Variants in HBG2 observed in about 807,000 individuals in gnomAD.
HBG2 encodes the protein hemoglobin subunit gamma-2.
For missense variants in HBG2, 59 were observed against 155.7 expected, an observed-to-expected ratio of 0.38 and a Z score of 3.31; for synonymous variants, 25 against 63.2, an observed-to-expected ratio of 0.40 and a Z score of 2.87.
At chr11:5,253,948 T>C (rs11036474) in intron 2 of HBG2, among the ~76,000 whole-genome samples, 45,812 of 149,142 alleles carry the variant, frequency 0.31, 6,469 homozygotes, top group African/African-American at 0.37. Flanking sequence ...ATCTTTTTAA[T>C]GACCATACTT....
At position 5,253,889 on chromosome 11, in the gene HBG2, C is replaced by T. The variant is rs562784918; in HGVS notation, c.315+403G>A. Among the ~76,000 whole-genome samples the T allele has an allele frequency of 7.9e-5, 12 of 152,172 alleles. No homozygotes were observed. In the East Asian group the frequency reaches 2.3e-3, roughly 29 times the overall value. On this transcript the variant is annotated intron_variant, in intron 2 of 2. Coordinates refer to ENST00000336906, the MANE Select transcript of HBG2 (RefSeq NM_000184.3). ...AATAGCCTTAGCAATGTATGTTTGG[C>T]CACCAAAGTTCCCCACTTTGACTGA...
rs281864470 is a variant in HBG2, at chr11:5,254,369, C to G, written c.238G>C (p.Asp80His). The change falls in exon 2 of 3, where the codon GAT becomes CAT. Residue 80 changes from aspartate (D) to histidine (H), a missense_variant. Coordinates refer to ENST00000336906, the MANE Select transcript of HBG2 (RefSeq NM_000184.3). ...TSLGDAIKHL[D>H]DLKGTFAQLS... ...TGGGCAAAGGTGCCCTTGAGATCAT[C>G]CAGGTGCTTTATGGCATCTCCCAAG... 1 of 1,614,314 alleles carries G rather than the reference C, an allele frequency of 6.2e-7. No homozygotes were observed. Among genetic ancestry groups the G allele is most frequent in the South Asian group, 1.1e-5 (1 of 91,090 alleles).
chr11:5,253,430 A>G, intron 2 of HBG2, 25 bp from the exon 3 acceptor site: 1 of 1,604,498 alleles, frequency 6.2e-7, no homozygotes, highest in Non-Finnish European at 8.5e-7. Context: ...GGAGACAATA[A>G]AGATGAACCC....
At position 5,253,310 on chromosome 11, in the gene HBG2, T is replaced by C; in HGVS notation, c.411A>G (p.Gly137=). The stretch of plus-strand genomic sequence containing the variant: ...ATCTGGAGGACAGGGCACTGGCCAC[T>C]CCAGTCACCATCTTCTGCCAGGAAG... The part of the protein sequence containing the change: ...VQASWQKMVT[G]VASALSSRYH The change falls in exon 3 of 3, where the codon GGA becomes GGG. Residue 137 remains glycine (G), a synonymous_variant. Coordinates refer to ENST00000336906, the MANE Select transcript of HBG2 (RefSeq NM_000184.3). 1 of 1,614,062 alleles carries C rather than the reference T, an allele frequency of 6.2e-7. No homozygotes were observed. Among genetic ancestry groups the C allele is most frequent in the South Asian group, 1.1e-5 (1 of 91,074 alleles).
At chr11:5,253,698 G>GCACACACACACACACA (rs1554922324) in intron 2 of HBG2, among the ~76,000 whole-genome samples, 39,902 of 133,220 alleles carry the variant, frequency 0.3, 6,062 homozygotes, top group East Asian at 0.55. Flanking sequence ...ACACACGCGC[G>GCACACACACACACACA]CACACACACA....
chr11:5,253,581 C>G (rs1564886047), intron 2 of HBG2, among the ~76,000 whole-genome samples, 176 bp from the exon 3 acceptor site: 2 of 152,074 alleles, frequency 1.3e-5, no homozygotes, highest in South Asian at 2.1e-4. Context: ...TCTTGCAGCA[C>G]TAGTCACTGG....
chr11:5,253,822 T>C (rs1321867120), intron 2 of HBG2, among the ~76,000 whole-genome samples: 2 of 152,016 alleles, frequency 1.3e-5, no homozygotes, highest in Non-Finnish European at 1.5e-5. Context: ...AAGTTTGTAA[T>C]GAAGCATTAG....
intron 2 of HBG2, 33 bp from the exon 3 acceptor site, chr11:5,253,438 C>G (rs529183035): frequency 9.1e-5 from 145 of 1,596,928 alleles, no homozygotes; most frequent in Non-Finnish European, 8.2e-5. Flanking sequence ...TAAAGATGAA[C>G]CCATAGTGAG....
chr11:5,254,026 C>T (rs1258278629), intron 2 of HBG2, among the ~76,000 whole-genome samples: 1 of 151,750 alleles, frequency 6.6e-6, no homozygotes, highest in East Asian at 1.9e-4. Flanking sequence ...GTTCTTTCTA[C>T]CGAAATCTAA....
At chr11:5,254,077 C>G (rs1847987786) in intron 2 of HBG2, among the ~76,000 whole-genome samples, 1 of 151,868 alleles carries the variant, frequency 6.6e-6, no homozygotes, top group African/African-American at 2.4e-5. Context: ...TCTCTTTTCT[C>G]AAAGTCAAAG....
intron 2 of HBG2, 88 bp from the exon 3 acceptor site, chr11:5,253,493 C>A: frequency 8.0e-7 from 1 of 1,254,952 alleles, no homozygotes; most frequent in South Asian, 1.2e-5. Flanking sequence ...CACCAAGCTT[C>A]CACCCAGAAT....
chr11:5,253,754 G>A (rs1159947938), intron 2 of HBG2, among the ~76,000 whole-genome samples: 1 of 147,728 alleles, frequency 6.8e-6, no homozygotes, highest in Non-Finnish European at 1.5e-5. Flanking sequence ...CAGCCCAAAT[G>A]TTTCAATTGT....
chr11:5,254,003 G>A (rs139250473), intron 2 of HBG2, among the ~76,000 whole-genome samples: 4 of 151,804 alleles, frequency 2.6e-5, no homozygotes, highest in African/African-American at 9.7e-5. Context: ...ACAAAAATAG[G>A]GGAAAGGTGA....
In HBG2 at chr11:5,254,346, G is replaced by A; in HGVS notation, c.261C>T (p.Ala87=). 1.2e-6 allele frequency: 2 copies of A among 1,614,304 alleles called. No homozygotes were observed. The highest frequency in any genetic ancestry group is 2.2e-5 in the South Asian group (2 of 91,086). The part of the protein sequence containing the change: ...KHLDDLKGTF[A]QLSELHCDKL... Reference sequence around the variant, plus strand: ...TGTCACAGTGCAGTTCACTCAGCTGGGCAAAGGTGCCCTTGAGATCATCCA... The same window carrying A: ...TGTCACAGTGCAGTTCACTCAGCTGAGCAAAGGTGCCCTTGAGATCATCCA... The change falls in exon 2 of 3, where the codon GCC becomes GCT. Residue 87 remains alanine (A), a synonymous_variant. Coordinates refer to ENST00000336906, the MANE Select transcript of HBG2 (RefSeq NM_000184.3).
At chr11:5,254,271 T>A in intron 2 of HBG2, 21 bp downstream of exon 2, 1 of 1,614,214 alleles carries the variant, frequency 6.2e-7, no homozygotes, top group Non-Finnish European at 8.5e-7. Context: ...GCAACAGTGC[T>A]GAAACATCTC....
At chr11:5,253,698 G>GTGCACACACACACA (rs1554922325) in intron 2 of HBG2, among the ~76,000 whole-genome samples, 2 of 134,460 alleles carry the variant, frequency 1.5e-5, no homozygotes, top group South Asian at 2.5e-4. Context: ...ACACACGCGC[G>GTGCACACACACACA]CACACACACA....
intron 2 of HBG2, among the ~76,000 whole-genome samples, 188 bp downstream of exon 2, chr11:5,254,104 T>C (rs1376852023): frequency 1.3e-5 from 2 of 151,894 alleles, no homozygotes; most frequent in African/African-American, 2.4e-5. Context: ...ATCTAGATTT[T>C]CAGAGGCACT....
In HBG2 at chr11:5,253,208, T is replaced by C. The variant is rs1847970057; in HGVS notation, c.*69A>G. 1 of 1,589,848 alleles carries C rather than the reference T, an allele frequency of 6.3e-7. No individual in the cohort carries two copies. Among genetic ancestry groups the C allele is most frequent in the South Asian group, 1.1e-5 (1 of 90,352 alleles). On this transcript the variant is annotated 3_prime_UTR_variant, in exon 3 of 3. Coordinates refer to ENST00000336906, the MANE Select transcript of HBG2 (RefSeq NM_000184.3). ...AACCATGTGTGATCTCTTAGCAGAA[T>C]AGATTTATTATTTGATTGCTTGCAG...
rs147282516 is a variant in HBG2 at position 5,253,299 on chromosome 11, G to T, written c.422C>A (p.Ala141Asp). ...AGCTCAGTGGTATCTGGAGGACAGG[G>T]CACTGGCCACTCCAGTCACCATCTT... ...WQKMVTGVAS[A>D]LSSRYH The change falls in exon 3 of 3, where the codon GCC (alanine) becomes GAC (aspartate). Residue 141 changes from alanine (A) to aspartate (D), a missense_variant. Ala to Asp is a moderately radical substitution (Grantham distance 126, BLOSUM62 -2). Transcript: ENST00000336906. 1 of 1,613,926 alleles carries T rather than the reference G, an allele frequency of 6.2e-7. No homozygotes were observed. The highest frequency in any genetic ancestry group is 1.3e-5 in the African/African-American group (1 of 74,912).
Sources: allele counts gnomAD v4.1 joint callset (sites outside exome capture counted in the v4.1 genomes callset), GRCh38; gene constraint gnomAD v4.1.1; transcripts MANE v1.5; gene names NCBI Gene and HGNC (gene_info 2026-07-23, HGNC 2026-07-21).